The following ZNF148 variants were observed in gnomAD, a reference collection of about 807,000 sequenced individuals.
ZNF148 encodes the protein zinc finger protein 148.
In ZNF148, 7 loss-of-function variants were observed where a neutral mutation model predicts 67.7. The ratio of observed to expected loss-of-function variants is 0.10; its 90% CI spans 0.06 to 0.19. The LOEUF (loss-of-function observed/expected upper bound fraction) is 0.19, where lower values mean the gene tolerates loss of function less well. Among genes scored for constraint, ZNF148 ranks in the 10% least tolerant of loss-of-function variants. The pLI, the probability that ZNF148 is intolerant of heterozygous loss-of-function variation, is 1.00. For synonymous variants in ZNF148, 333 were observed against 330.7 expected (o/e 1.01, Z -0.08); for missense variants, 583 against 947.1 (o/e 0.62, Z 5.05).
intron 7 of ZNF148, among the ~76,000 whole-genome samples, chr3:125,245,647 A>G (rs1936565173): frequency 6.6e-6 from 1 of 152,180 alleles, no homozygotes; most frequent in Admixed American, 6.5e-5. Context: ...TGGACAATTG[A>G]CAGGCCCTAC....
At chr3:125,358,034 C>T (rs545356020) in intron 1 of ZNF148, among the ~76,000 whole-genome samples, 1 of 152,120 alleles carries the variant, frequency 6.6e-6, no homozygotes, top group Non-Finnish European at 1.5e-5. Context: ...TAAATCGGAC[C>T]GGCGCGGGGA....
intron 7 of ZNF148, among the ~76,000 whole-genome samples, chr3:125,253,802 G>A (rs771223192): frequency 6.6e-5 from 10 of 152,114 alleles, no homozygotes; most frequent in African/African-American, 1.2e-4. Flanking sequence ...AAATACTGCT[G>A]GATCTGACAG....
At chr3:125,338,659 C>CAAAA (rs757727396) in intron 1 of ZNF148, among the ~76,000 whole-genome samples, 1,547 of 50,924 alleles carry the variant, frequency 0.03, 269 homozygotes, top group African/African-American at 0.043. Flanking sequence ...GACCCTGTCT[C>CAAAA]AAAAAAAAAA....
chr3:125,306,403 T>C (rs913426112), intron 4 of ZNF148, among the ~76,000 whole-genome samples: 1 of 151,818 alleles, frequency 6.6e-6, no homozygotes, highest in South Asian at 2.1e-4. Context: ...CCAGTCTAAT[T>C]AAGAAAAAGA....
intron 4 of ZNF148, among the ~76,000 whole-genome samples, chr3:125,295,528 C>G (rs989220560): frequency 6.6e-6 from 1 of 151,802 alleles, no homozygotes; most frequent in Non-Finnish European, 1.5e-5. Flanking sequence ...ACTATCTCTT[C>G]CAATTATTAG....
intron 1 of ZNF148, among the ~76,000 whole-genome samples, chr3:125,369,594 G>C (rs955504733): frequency 4.6e-5 from 7 of 151,640 alleles, no homozygotes; most frequent in African/African-American, 1.5e-4. Flanking sequence ...TACTGAAAAT[G>C]ACCACCGAAA....
rs1560162017 is a variant in ZNF148 at position 125,311,620 on chromosome 3, A to T, written c.333+1688T>A. Among the ~76,000 whole-genome samples the T allele has an allele frequency of 3.3e-5, 5 of 152,230 alleles. No individual in the cohort carries two copies. The South Asian group carries it at 1.0e-3, about 32-fold the overall frequency. ...GTACATCAATTACAGACCCCAAAAA[A>T]CCCTATATAATTTAACTTAGTAAAT... On this transcript the variant is annotated intron_variant, in intron 4 of 8. Coordinates refer to ENST00000360647, the MANE Select transcript of ZNF148 (RefSeq NM_021964.3).
At chr3:125,280,624 T>C (rs1938327153) in intron 5 of ZNF148, among the ~76,000 whole-genome samples, 1 of 149,876 alleles carries the variant, frequency 6.7e-6, no homozygotes, top group South Asian at 2.1e-4. Context: ...AAGGCTGCAA[T>C]GAGCCATCAT....
At chr3:125,342,382 G>C (rs1941766212) in intron 1 of ZNF148, among the ~76,000 whole-genome samples, 1 of 150,368 alleles carries the variant, frequency 6.7e-6, no homozygotes, top group Non-Finnish European at 1.5e-5. Context: ...AAAGCAGCCA[G>C]AGAGAAACAA....
rs571290889 is a variant in ZNF148, at chr3:125,348,759, C to T, written c.-233-17521G>A. The stretch of plus-strand genomic sequence containing the variant: ...GGAATACAAAAACAATCCTAAAACC[C>T]AAACAGAACCACAAAAGCCCCCGAA... On this transcript the variant is annotated intron_variant, in intron 1 of 8. Transcript: ENST00000360647. Among the ~76,000 whole-genome samples, 16 of 152,198 alleles carry T rather than the reference C, an allele frequency of 1.1e-4. No homozygotes were observed. The South Asian group carries it at 3.3e-3, about 32-fold the overall frequency.
intron 3 of ZNF148, among the ~76,000 whole-genome samples, chr3:125,320,667 G>A (rs1940730964): frequency 6.6e-6 from 1 of 152,084 alleles, no homozygotes; most frequent in African/African-American, 2.4e-5. Context: ...CACAAATTCA[G>A]TAATACCTCT....
At chr3:125,300,603 C>T (rs138199583) in intron 4 of ZNF148, among the ~76,000 whole-genome samples, 74 of 152,270 alleles carry the variant, frequency 4.9e-4, no homozygotes, top group African/African-American at 1.7e-3. Flanking sequence ...CTTTATAGCA[C>T]AAAAATTCAT....
At chr3:125,327,156 A>G (rs1941065617) in intron 2 of ZNF148, among the ~76,000 whole-genome samples, 1 of 152,326 alleles carries the variant, frequency 6.6e-6, no homozygotes, top group East Asian at 1.9e-4. Flanking sequence ...AGAGACAAAG[A>G]AAGATATTTC....
At chr3:125,371,307 G>C (rs1445744491) in intron 1 of ZNF148, among the ~76,000 whole-genome samples, 9 of 136,402 alleles carry the variant, frequency 6.6e-5, no homozygotes, top group African/African-American at 2.5e-4. Context: ...AGTGAGCTGG[G>C]AACATGCGCA....
chr3:125,282,069 T>C (rs1938420411), intron 5 of ZNF148, among the ~76,000 whole-genome samples: 1 of 152,176 alleles, frequency 6.6e-6, no homozygotes, highest in Non-Finnish European at 1.5e-5. Flanking sequence ...CACTTTCTTG[T>C]TTTTTAAATT....
intron 7 of ZNF148, among the ~76,000 whole-genome samples, chr3:125,276,545 T>C (rs1277221045): frequency 6.6e-6 from 1 of 152,116 alleles, no homozygotes; most frequent in Non-Finnish European, 1.5e-5. Context: ...GCAATTCTCC[T>C]GCCTCAGCCT....
At chr3:125,297,136 A>G (rs1939326344) in intron 4 of ZNF148, among the ~76,000 whole-genome samples, 1 of 59,718 alleles carries the variant, frequency 1.7e-5, no homozygotes, top group Non-Finnish European at 3.5e-5. Context: ...AATTAAAAAA[A>G]ATATTATTAT....
chr3:125,279,064 A>G, intron 6 of ZNF148, 60 bp downstream of exon 6: 1 of 1,489,074 alleles, frequency 6.7e-7, no homozygotes, highest in Non-Finnish European at 9.0e-7. Flanking sequence ...TTACACGAAG[A>G]TGAAAATAAC....
At chr3:125,325,682 C>A (rs1233618041) in intron 2 of ZNF148, among the ~76,000 whole-genome samples, 1 of 152,082 alleles carries the variant, frequency 6.6e-6, no homozygotes, top group Non-Finnish European at 1.5e-5. Context: ...CCAAGCTGGT[C>A]TCGAACTCCT....
Sources: allele counts gnomAD v4.1 joint callset (sites outside exome capture counted in the v4.1 genomes callset), GRCh38; gene constraint gnomAD v4.1.1; transcripts MANE v1.5; gene names NCBI Gene and HGNC (gene_info 2026-07-23, HGNC 2026-07-21).